The following CHMP2B variants were observed in gnomAD, a reference collection of about 807,000 sequenced individuals.
The protein encoded by CHMP2B is charged multivesicular body protein 2B, also known as VPS2 homolog B.
In CHMP2B, 22 loss-of-function variants were observed where a neutral mutation model predicts 29.8. The observed-to-expected ratio is 0.74, with a 90% CI of 0.53 to 1.05. CHMP2B has a LOEUF of 1.05. CHMP2B is among the 50% of genes least tolerant of loss of function. The pLI, the probability that CHMP2B is intolerant of heterozygous loss-of-function variation, is 0.00. For synonymous variants in CHMP2B, 78 were observed against 75.8 expected, an observed-to-expected ratio of 1.03 and a Z score of -0.15; for missense variants, 261 against 252.2, an observed-to-expected ratio of 1.03 and a Z score of -0.24.
chr3:87,247,207 C>T (rs1385617912), intron 3 of CHMP2B, among the ~76,000 whole-genome samples: 1 of 152,162 alleles, frequency 6.6e-6, no homozygotes, highest in Non-Finnish European at 1.5e-5. Flanking sequence ...TTGCCCACAA[C>T]GTTTTTTCAT....
intron 1 of CHMP2B, among the ~76,000 whole-genome samples, chr3:87,235,848 G>T (rs968142057): frequency 2.0e-5 from 3 of 152,182 alleles, no homozygotes; most frequent in Non-Finnish European, 1.5e-5. Context: ...GACGCAGATT[G>T]TGCTTCTGGT....
intron 1 of CHMP2B, among the ~76,000 whole-genome samples, chr3:87,229,943 G>T (rs1705877490): frequency 6.6e-6 from 1 of 152,176 alleles, no homozygotes; most frequent in Admixed American, 6.5e-5. Flanking sequence ...AGTCTCTGCG[G>T]TGTATACTTT....
In CHMP2B at chr3:87,255,280, T is replaced by C. The variant is rs954506490; in HGVS notation, c.*1458T>C. ...TATAATGTTCAAAGATTAGGTTTTG[T>C]TATTGATAGTATTAAATACACAGTT... is the stretch of plus-strand genomic sequence containing the variant. On this transcript the variant is annotated 3_prime_UTR_variant, in exon 6 of 6. Coordinates refer to ENST00000263780, the MANE Select transcript of CHMP2B (RefSeq NM_014043.4). The C allele has an allele frequency of 6.6e-6, 1 of 152,446 alleles. No homozygotes were observed. The highest frequency in any genetic ancestry group is 1.5e-5 in the Non-Finnish European group (1 of 67,940). The allele number at this position is 152,446 out of a possible 1,614,324, so 9.4% of individuals were successfully genotyped here.
At chr3:87,244,784 T>C (rs1706182440) in intron 2 of CHMP2B, among the ~76,000 whole-genome samples, 1 of 152,208 alleles carries the variant, frequency 6.6e-6, no homozygotes, top group Admixed American at 6.5e-5. Context: ...ATAATGTATA[T>C]TCTGCTTTCA....
intron 2 of CHMP2B, among the ~76,000 whole-genome samples, chr3:87,241,836 G>A (rs1353139479): frequency 1.3e-5 from 2 of 151,970 alleles, no homozygotes; most frequent in Non-Finnish European, 2.9e-5. Flanking sequence ...GAGATTGCTG[G>A]GTCATAGGGT....
intron 3 of CHMP2B, among the ~76,000 whole-genome samples, chr3:87,248,233 G>A (rs1278300020): frequency 6.6e-6 from 1 of 151,888 alleles, no homozygotes; most frequent in Non-Finnish European, 1.5e-5. Context: ...GAGAGGCAGA[G>A]GTTGCAGTGA....
intron 1 of CHMP2B, 32 bp downstream of exon 1, chr3:87,227,588 C>G: frequency 1.2e-6 from 2 of 1,613,964 alleles, no homozygotes; most frequent in Middle Eastern, 1.7e-4. Flanking sequence ...AGGGGCCCAG[C>G]TCTGCGTTTT....
In CHMP2B at chr3:87,255,488, GTTCTT is replaced by G. The variant is rs1706390461; in HGVS notation, c.*1672_*1676del. 6.6e-6 allele frequency: 1 copy of G among 152,060 alleles called. No homozygotes were observed. Among genetic ancestry groups the G allele is most frequent in the South Asian group, 2.1e-4 (1 of 4,820 alleles). The allele number at this position is 152,060 out of a possible 1,614,324, so 9.4% of individuals were successfully genotyped here. A position where few individuals can be genotyped will look rare whatever the true frequency, so the allele number is the denominator to read the frequency against. ...ATCTCAATAAAGATTTATTATTGTTGTTCTTTTCTTACCTTTTTTGCTCTTTTTGG... is the reference window on the plus strand; with the variant it reads ...ATCTCAATAAAGATTTATTATTGTTGTTCTTACCTTTTTTGCTCTTTTTGG... On this transcript the variant is annotated 3_prime_UTR_variant, in exon 6 of 6. Transcript: ENST00000263780.
chr3:87,251,376 A>G (rs932335606), intron 4 of CHMP2B, among the ~76,000 whole-genome samples: 1 of 152,102 alleles, frequency 6.6e-6, no homozygotes, highest in South Asian at 2.1e-4. Context: ...TGTGGTTTCC[A>G]ATGCCAGTGA....
At chr3:87,237,960 C>T (rs1408134980) in intron 1 of CHMP2B, among the ~76,000 whole-genome samples, 1 of 151,982 alleles carries the variant, frequency 6.6e-6, no homozygotes, top group Non-Finnish European at 1.5e-5. Flanking sequence ...GAATAAATAC[C>T]TCATTAGTAG....
intron 1 of CHMP2B, among the ~76,000 whole-genome samples, chr3:87,237,234 C>T (rs1559606484): frequency 6.6e-6 from 1 of 152,124 alleles, no homozygotes; most frequent in African/African-American, 2.4e-5. Flanking sequence ...CTGCCTCCCA[C>T]AATTCATATG....
At chr3:87,248,487 G>A (rs1303528666) in intron 3 of CHMP2B, among the ~76,000 whole-genome samples, 1 of 151,738 alleles carries the variant, frequency 6.6e-6, no homozygotes, top group African/African-American at 2.4e-5. Context: ...CCCCTGAGTA[G>A]CTGATATTGC....
intron 3 of CHMP2B, among the ~76,000 whole-genome samples, chr3:87,249,294 A>T (rs536593570): frequency 6.6e-6 from 1 of 152,314 alleles, no homozygotes; most frequent in East Asian, 1.9e-4. Flanking sequence ...ATGAAACATG[A>T]TTGTAAATAA....
At chr3:87,227,959 C>T (rs770961342) in intron 1 of CHMP2B, among the ~76,000 whole-genome samples, 7 of 152,234 alleles carry the variant, frequency 4.6e-5, no homozygotes, top group Middle Eastern at 3.4e-3. Flanking sequence ...AACTGGCAGT[C>T]TCGGAATGGG....
intron 1 of CHMP2B, among the ~76,000 whole-genome samples, chr3:87,238,717 G>A (rs1321494563): frequency 6.6e-6 from 1 of 151,916 alleles, no homozygotes; most frequent in Non-Finnish European, 1.5e-5. Flanking sequence ...TGATCGTTTG[G>A]GTTATTTCCA....
At chr3:87,243,939 A>G (rs914156172) in intron 2 of CHMP2B, among the ~76,000 whole-genome samples, 3 of 149,836 alleles carry the variant, frequency 2.0e-5, no homozygotes, top group Admixed American at 6.6e-5. Flanking sequence ...TTGATCTCTT[A>G]TTTAAAAAAA....
rs1415377700 is a variant in CHMP2B, at chr3:87,254,101, CCTTA to C, written c.*283_*286del. 9.6e-6 allele frequency: 3 copies of C among 311,584 alleles called. No individual in the cohort carries two copies. Among genetic ancestry groups the C allele is most frequent in the Admixed American group, 4.6e-5 (1 of 21,788 alleles). 19.3% of individuals were successfully genotyped at this position (311,584 alleles called of 1,614,324 possible). ...TTGCATGGCACAGAGAAATTATATT[CCTTA>C]CTTCATGTCAGTTTATGTTCTAAAT... On this transcript the variant is annotated 3_prime_UTR_variant, in exon 6 of 6. Coordinates refer to ENST00000263780, the MANE Select transcript of CHMP2B (RefSeq NM_014043.4).
chr3:87,255,004 G>T lies in CHMP2B; in HGVS notation c.*1182G>T, dbSNP rs1399146392. The T allele has an allele frequency of 3.3e-5, 5 of 151,998 alleles. No homozygotes were observed. The highest frequency in any genetic ancestry group is 3.3e-4 in the Admixed American group (5 of 15,228). The allele number at this position is 151,998 out of a possible 1,614,324, so 9.4% of individuals were successfully genotyped here. ...GAATGTGTAGACAGGGAGATAAAAT[G>T]AAGGATTGCCAGACTAGTTAGAATA... On this transcript the variant is annotated 3_prime_UTR_variant, in exon 6 of 6. Transcript: ENST00000263780.
At chr3:87,249,401 AT>A (rs534988545) in intron 3 of CHMP2B, among the ~76,000 whole-genome samples, 1 of 152,166 alleles carries the variant, frequency 6.6e-6, no homozygotes, top group East Asian at 1.9e-4. Flanking sequence ...CAAAGCTCAC[AT>A]TTTTATATTT....
Sources: gnomAD v4.1 joint callset for allele counts (sites outside exome capture counted in the v4.1 genomes callset) on GRCh38, gnomAD v4.1.1 for gene constraint, MANE v1.5 for transcripts, NCBI Gene and HGNC (gene_info 2026-07-23, HGNC 2026-07-21) for gene names.